The following RBFOX1 variants were observed in gnomAD, a reference collection of about 807,000 sequenced individuals.
RBFOX1 encodes RNA binding protein fox-1 homolog 1.
Under a neutral mutation model 57.7 loss-of-function variants are expected in RBFOX1, and 8 were observed. That is an observed-to-expected ratio of 0.14 (90% CI 0.08 to 0.25). The LOEUF (loss-of-function observed/expected upper bound fraction) is 0.25, where lower values mean the gene tolerates loss of function less well. Among genes scored for constraint, RBFOX1 ranks in the 10% least tolerant of loss-of-function variants. The pLI is 1.00. For missense variants in RBFOX1, 611 were observed against 548.5 expected, an observed-to-expected ratio of 1.11 and a Z score of -1.14; for synonymous variants, 326 against 222.4, an observed-to-expected ratio of 1.47 and a Z score of -4.15.
At chr16:5,644,301 G>C (rs112584874) in intron 3 of RBFOX1, among the ~76,000 whole-genome samples, 12 of 152,206 alleles carry the variant, frequency 7.9e-5, no homozygotes, top group Admixed American at 1.3e-4. Context: ...AAATGAATTA[G>C]GGACTTGAAT....
intron 3 of RBFOX1, among the ~76,000 whole-genome samples, chr16:6,834,156 C>G (rs1220490677): frequency 6.6e-6 from 1 of 152,104 alleles, no homozygotes; most frequent in Non-Finnish European, 1.5e-5. Flanking sequence ...TCACCACAAC[C>G]TCCGCCTCCC....
intron 2 of RBFOX1, among the ~76,000 whole-genome samples, chr16:6,526,540 C>A (rs1341274139): frequency 6.6e-6 from 1 of 151,936 alleles, no homozygotes; most frequent in East Asian, 1.9e-4. Flanking sequence ...TAATGAAATA[C>A]CCTAAGAGGG....
chr16:5,389,147 C>T lies in RBFOX1; in HGVS notation c.220-78069C>T, dbSNP rs539010149. On this transcript the variant is annotated intron_variant, in intron 1 of 2. Coordinates refer to the RBFOX1 transcript ENST00000585867. Reference sequence around the variant, plus strand: ...CGGAGCTTGCAGTGAGCCGAGATCGCGCCACTGCACTCCAGCCTGGGCGAC... The same window carrying T: ...CGGAGCTTGCAGTGAGCCGAGATCGTGCCACTGCACTCCAGCCTGGGCGAC... Among the ~76,000 whole-genome samples, 129 of 151,792 alleles carry T rather than the reference C, an allele frequency of 8.5e-4. 1 individual carries two copies. The highest frequency in any genetic ancestry group is 2.9e-3 in the African/African-American group (119 of 41,480).
At position 7,664,911 on chromosome 16, in the gene RBFOX1, G is replaced by C. The variant is rs370864335; in HGVS notation, c.891-18G>C. On this transcript the variant is annotated intron_variant, in intron 12 of 15. Transcript: ENST00000550418. ...TGCACTAATATGGATGTTTCTCTTT[G>C]TGTGTGCACCCTTGCAGTGTTGTTT... The C allele has an allele frequency of 6.2e-7, 1 of 1,613,912 alleles. No homozygotes were observed. The highest frequency in any genetic ancestry group is 8.5e-7 in the Non-Finnish European group (1 of 1,179,842).
chr16:6,774,564 A>G (rs1290796090), intron 3 of RBFOX1, among the ~76,000 whole-genome samples: 1 of 152,202 alleles, frequency 6.6e-6, no homozygotes, highest in Non-Finnish European at 1.5e-5. Flanking sequence ...GCAGCTAATG[A>G]TAATTTACTG....
At chr16:6,235,513 C>G (rs1023448594) in intron 1 of RBFOX1, among the ~76,000 whole-genome samples, 1 of 149,264 alleles carries the variant, frequency 6.7e-6, no homozygotes, top group African/African-American at 2.6e-5. Flanking sequence ...AAATGCCCAT[C>G]AGCTGAGTGG....
intron 14 of RBFOX1, among the ~76,000 whole-genome samples, chr16:7,677,536 G>A (rs2073703628): frequency 6.6e-6 from 1 of 152,114 alleles, no homozygotes; most frequent in African/African-American, 2.4e-5. Flanking sequence ...TGGAAATCAG[G>A]GGTTTCTATC....
chr16:7,135,899 T>C (rs1374009599), intron 4 of RBFOX1, among the ~76,000 whole-genome samples: 5 of 152,258 alleles, frequency 3.3e-5, no homozygotes, highest in African/African-American at 4.8e-5. Context: ...ATTTTGCATC[T>C]GGCACACAGG....
chr16:7,046,456 T>C (rs1299520465), intron 3 of RBFOX1, among the ~76,000 whole-genome samples: 1 of 152,176 alleles, frequency 6.6e-6, no homozygotes. Flanking sequence ...GTGATTGTTT[T>C]TACAATTTAT....
chr16:7,269,815 A>G (rs1335068150), intron 4 of RBFOX1, among the ~76,000 whole-genome samples: 1 of 152,178 alleles, frequency 6.6e-6, no homozygotes, highest in Non-Finnish European at 1.5e-5. Flanking sequence ...GCATCTTTAT[A>G]CTTTGTGAAT....
chr16:6,060,133 T>TG (rs2095666031), intron 1 of RBFOX1, among the ~76,000 whole-genome samples: 2 of 13,788 alleles, frequency 1.5e-4, no homozygotes, highest in Non-Finnish European at 3.9e-4. Flanking sequence ...TTTTTTTTTT[T>TG]TTTTTTTTTT....
chr16:6,890,753 C>T (rs1212096138), intron 3 of RBFOX1, among the ~76,000 whole-genome samples: 1 of 152,180 alleles, frequency 6.6e-6, no homozygotes, highest in Admixed American at 6.5e-5. Context: ...AATTCACTGT[C>T]ACCTTCTGAT....
At chr16:6,350,489 A>ACC (rs1567992951) in intron 2 of RBFOX1, among the ~76,000 whole-genome samples, 5 of 117,480 alleles carry the variant, frequency 4.3e-5, no homozygotes, top group African/African-American at 1.3e-4. Context: ...AAAAAAAAAA[A>ACC]AAAAAAAAAA....
intron 2 of RBFOX1, among the ~76,000 whole-genome samples, chr16:6,641,516 C>T (rs1049883887): frequency 1.1e-4 from 16 of 152,004 alleles, no homozygotes; most frequent in Non-Finnish European, 2.4e-4. Flanking sequence ...GGGCAGATCG[C>T]TTGAGCCCAG....
At chr16:6,537,537 T>A (rs1235954034) in intron 2 of RBFOX1, among the ~76,000 whole-genome samples, 2 of 152,198 alleles carry the variant, frequency 1.3e-5, no homozygotes, top group African/African-American at 2.4e-5. Flanking sequence ...GTTGCTGAGC[T>A]AACACTCAGT....
At chr16:6,914,954 G>T (rs879916281) in intron 3 of RBFOX1, among the ~76,000 whole-genome samples, 1 of 152,220 alleles carries the variant, frequency 6.6e-6, no homozygotes, top group Non-Finnish European at 1.5e-5. Flanking sequence ...AAGTAAATCG[G>T]ATAGTGCCTG....
intron 1 of RBFOX1, among the ~76,000 whole-genome samples, chr16:6,093,447 TTAGAG>T (rs2096204491): frequency 6.6e-6 from 1 of 152,106 alleles, no homozygotes; most frequent in Non-Finnish European, 1.5e-5. Context: ...ATAATCATGC[TTAGAG>T]TAAAGATCTG....
At chr16:7,515,173 T>A (rs1399917942) in intron 4 of RBFOX1, among the ~76,000 whole-genome samples, 1 of 152,056 alleles carries the variant, frequency 6.6e-6, no homozygotes, top group East Asian at 1.9e-4. Flanking sequence ...AGAAGTGGCA[T>A]CGCTATGAAA....
chr16:5,414,154 A>G (rs1174617176), intron 1 of RBFOX1, among the ~76,000 whole-genome samples: 24 of 152,170 alleles, frequency 1.6e-4, no homozygotes, highest in Admixed American at 1.6e-3. Context: ...TCTAACAATC[A>G]TTGCGCCAAG....
Sources: allele counts gnomAD v4.1 joint callset (sites outside exome capture counted in the v4.1 genomes callset), GRCh38; gene constraint gnomAD v4.1.1; transcripts MANE v1.5; gene names NCBI Gene and HGNC (gene_info 2026-07-23, HGNC 2026-07-21).